The following TMEM132D variants were observed in gnomAD, a reference collection of about 807,000 sequenced individuals.
TMEM132D encodes transmembrane protein 132D.
In TMEM132D, 21 loss-of-function variants were observed where a neutral mutation model predicts 62.3. The observed-to-expected ratio is 0.34, with a 90% CI of 0.24 to 0.49. The LOEUF is 0.49. Among genes scored for constraint, TMEM132D ranks in the 20% least tolerant of loss-of-function variants. The probability of loss-of-function intolerance (pLI) is 0.99; values close to 1 mark genes in which losing one functional copy is unlikely to be tolerated. For synonymous variants in TMEM132D, 621 were observed against 575.6 expected (o/e 1.08, Z -1.13); for missense variants, 1,346 against 1,402.8 (o/e 0.96, Z 0.65).
At chr12:129,274,630 T>C (rs1330133982) in intron 4 of TMEM132D, among the ~76,000 whole-genome samples, 3 of 152,236 alleles carry the variant, frequency 2.0e-5, no homozygotes, top group Non-Finnish European at 4.4e-5. Flanking sequence ...TTCACGCCTG[T>C]AATCCCAGCA....
intron 3 of TMEM132D, among the ~76,000 whole-genome samples, chr12:129,385,976 T>C (rs1871096091): frequency 6.6e-6 from 1 of 152,220 alleles, no homozygotes; most frequent in South Asian, 2.1e-4. Flanking sequence ...GGGCACCTTG[T>C]GCTGCACACA....
chr12:129,081,831 C>T lies in TMEM132D; in HGVS notation c.1851G>A (p.Glu617=), dbSNP rs2135616032. Residue 617 remains glutamate (E), a synonymous_variant, in exon 7 of 9, where the codon GAG becomes GAA. Transcript: ENST00000422113. ...CTTGCAGCTTGGCGATCCTGGGCTCCTCCACCTGCATGAAGTCATTTATCA... is the reference window on the plus strand; with the variant it reads ...CTTGCAGCTTGGCGATCCTGGGCTCTTCCACCTGCATGAAGTCATTTATCA... ...TELINDFMQV[E]EPRIAKLQGG... is the part of the protein sequence containing the mutation. 1 of 1,613,820 alleles carries T rather than the reference C, an allele frequency of 6.2e-7. No homozygotes were observed. Among genetic ancestry groups the T allele is most frequent in the Non-Finnish European group, 8.5e-7 (1 of 1,179,970 alleles).
Position 129,277,805 on chromosome 12 carries a change from A to G in TMEM132D, c.1299+59829T>C, listed in dbSNP as rs1881040510. 6.6e-6 allele frequency among the ~76,000 whole-genome samples: 1 copy of G among 152,214 alleles called. No individual in the cohort carries two copies. ...CTCTGGTGACACTCATGATGTGAAT[A>G]TGACAAAGTTTGGAAAATACTGACC... is the stretch of plus-strand genomic sequence containing the variant. On this transcript the variant is annotated intron_variant, in intron 4 of 8. Transcript: ENST00000422113. The surrounding 1 kb of genome is among the most constrained non-coding windows in gnomAD (Gnocchi z 4.2).
At chr12:129,351,189 C>A (rs1325198153) in intron 3 of TMEM132D, among the ~76,000 whole-genome samples, 1 of 152,134 alleles carries the variant, frequency 6.6e-6, no homozygotes, top group Non-Finnish European at 1.5e-5. Flanking sequence ...TATAACTGGA[C>A]TGGAAGATGT....
chr12:129,431,425 C>T (rs1031487755), intron 3 of TMEM132D, among the ~76,000 whole-genome samples: 1 of 152,216 alleles, frequency 6.6e-6, no homozygotes, highest in Admixed American at 6.5e-5. Context: ...TGAGAGCCTG[C>T]ACATCCAGAT....
chr12:129,634,543 A>C (rs765800317), intron 2 of TMEM132D, among the ~76,000 whole-genome samples: 6 of 151,404 alleles, frequency 4.0e-5, no homozygotes, highest in Middle Eastern at 3.2e-3. Flanking sequence ...TCATTGAATT[A>C]TTTGTAGAGT....
At chr12:129,447,526 T>C (rs4759941) in intron 3 of TMEM132D, among the ~76,000 whole-genome samples, 36,612 of 152,014 alleles carry the variant, frequency 0.24, 4,648 homozygotes, top group Non-Finnish European at 0.29. Flanking sequence ...CCATGAAGAA[T>C]AACGTAAGCA....
intron 5 of TMEM132D, among the ~76,000 whole-genome samples, chr12:129,128,176 A>C (rs1182399862): frequency 1.3e-5 from 2 of 152,228 alleles, no homozygotes; most frequent in Non-Finnish European, 2.9e-5. Context: ...GACAAGAGCT[A>C]GTGAATGGTC....
At chr12:129,533,463 T>C (rs1435082748) in intron 2 of TMEM132D, among the ~76,000 whole-genome samples, 1 of 152,258 alleles carries the variant, frequency 6.6e-6, no homozygotes, top group Non-Finnish European at 1.5e-5. Flanking sequence ...TGGAATTTTA[T>C]TGAATCAACA....
chr12:129,399,484 T>G (rs113220249), intron 3 of TMEM132D, among the ~76,000 whole-genome samples: 3,156 of 50,808 alleles, frequency 0.062, 73 homozygotes, highest in Non-Finnish European at 0.076. Context: ...ATTAATCCAC[T>G]TGTGATGGCA....
intron 5 of TMEM132D, among the ~76,000 whole-genome samples, chr12:129,181,780 T>C (rs1329095673): frequency 6.6e-6 from 1 of 152,206 alleles, no homozygotes; most frequent in Non-Finnish European, 1.5e-5. Flanking sequence ...TCATCATCTC[T>C]GTGATATTTT....
chr12:129,841,654 T>C (rs554997548), intron 1 of TMEM132D, among the ~76,000 whole-genome samples: 1 of 152,300 alleles, frequency 6.6e-6, no homozygotes, highest in African/African-American at 2.4e-5. Context: ...AGTGATGTTT[T>C]GCCAAGCGAG....
intron 2 of TMEM132D, among the ~76,000 whole-genome samples, chr12:129,678,551 C>T (rs1003577418): frequency 6.6e-6 from 1 of 152,208 alleles, no homozygotes; most frequent in Middle Eastern, 3.4e-3. Context: ...ATACATACTG[C>T]ATTCTAATTG....
intron 4 of TMEM132D, among the ~76,000 whole-genome samples, chr12:129,259,747 T>C (rs890689515): frequency 3.9e-5 from 6 of 152,082 alleles, no homozygotes; most frequent in Non-Finnish European, 7.4e-5. Flanking sequence ...TTGGGAACCA[T>C]TTTAGAAGAA....
intron 1 of TMEM132D, among the ~76,000 whole-genome samples, chr12:129,798,417 G>A (rs1399301396): frequency 6.6e-6 from 1 of 152,104 alleles, no homozygotes; most frequent in Non-Finnish European, 1.5e-5. Context: ...TTTCAATTCT[G>A]TAAAATAATT....
At chr12:129,407,695 AG>A (rs934297677) in intron 3 of TMEM132D, among the ~76,000 whole-genome samples, 2 of 151,934 alleles carry the variant, frequency 1.3e-5, no homozygotes, top group African/African-American at 2.4e-5. Flanking sequence ...TCATGAGGTC[AG>A]GAGATCGAGA....
At chr12:129,682,456 C>A (rs2137209390) in intron 2 of TMEM132D, among the ~76,000 whole-genome samples, 1 of 152,272 alleles carries the variant, frequency 6.6e-6, no homozygotes, top group African/African-American at 2.4e-5. Flanking sequence ...TCATAAACCC[C>A]ATGTGGTCTC....
chr12:129,738,893 C>A (rs552814854), intron 1 of TMEM132D, among the ~76,000 whole-genome samples: 7 of 152,224 alleles, frequency 4.6e-5, no homozygotes, highest in Admixed American at 3.9e-4. Context: ...ACATTATACC[C>A]AGAAGTATAA....
At chr12:129,077,317 TG>T (rs1302155876) in intron 8 of TMEM132D, among the ~76,000 whole-genome samples, 1 of 152,194 alleles carries the variant, frequency 6.6e-6, no homozygotes, top group Non-Finnish European at 1.5e-5. Flanking sequence ...ATGTCCCATA[TG>T]GGCCGGAGGG....
Sources: allele counts gnomAD v4.1 joint callset (sites outside exome capture counted in the v4.1 genomes callset), GRCh38; gene constraint gnomAD v4.1.1; non-coding constraint Gnocchi (gnomAD v3.1); transcripts MANE v1.5; gene names NCBI Gene and HGNC (gene_info 2026-07-23, HGNC 2026-07-21).